The following PDE10A variants were observed in gnomAD, a reference collection of about 807,000 sequenced individuals.
PDE10A encodes cAMP and cAMP-inhibited cGMP 3',5'-cyclic phosphodiesterase 10A.
Under a neutral mutation model 97.7 loss-of-function variants are expected in PDE10A, and 39 were observed. The ratio of observed to expected loss-of-function variants is 0.40; its 90% CI spans 0.31 to 0.52. The LOEUF (loss-of-function observed/expected upper bound fraction) is 0.52. Ranked by LOEUF, PDE10A falls within the 20% of genes least tolerant of loss-of-function variation. PDE10A has a pLI of 0.56. For synonymous variants in PDE10A, 371 were observed against 376.8 expected, an observed-to-expected ratio of 0.98 and a Z score of 0.18; for missense variants, 731 against 1,047.8, an observed-to-expected ratio of 0.70 and a Z score of 4.17.
chr6:165,583,477 A>G (rs1785729650), intron 1 of PDE10A, among the ~76,000 whole-genome samples: 3 of 152,210 alleles, frequency 2.0e-5, no homozygotes, highest in Admixed American at 2.0e-4. Flanking sequence ...TCTTGAGAGG[A>G]GGAGTTTACC....
intron 1 of PDE10A, among the ~76,000 whole-genome samples, chr6:165,726,752 A>G (rs1792307167): frequency 6.6e-6 from 1 of 152,234 alleles, no homozygotes; most frequent in Admixed American, 6.5e-5. Flanking sequence ...GGCACCGGGA[A>G]GACAGGCCAT....
At chr6:165,575,263 C>T (rs1380933622) in intron 1 of PDE10A, among the ~76,000 whole-genome samples, 2 of 152,192 alleles carry the variant, frequency 1.3e-5, no homozygotes, top group African/African-American at 4.8e-5. Flanking sequence ...AAAATGCAGT[C>T]ATGTCAATTC....
At chr6:165,626,858 G>A (rs371960462) in intron 1 of PDE10A, among the ~76,000 whole-genome samples, 11 of 152,148 alleles carry the variant, frequency 7.2e-5, no homozygotes, top group African/African-American at 1.4e-4. Context: ...CATCAGGGAC[G>A]GGCTCAGTAG....
chr6:165,457,241 T>A (rs1778006008), intron 3 of PDE10A, among the ~76,000 whole-genome samples: 1 of 152,228 alleles, frequency 6.6e-6, no homozygotes. Flanking sequence ...ATTTTTAACT[T>A]CATAAAGTCC....
intron 1 of PDE10A, among the ~76,000 whole-genome samples, chr6:165,650,681 T>C (rs1470710793): frequency 1.3e-5 from 2 of 152,182 alleles, no homozygotes; most frequent in Non-Finnish European, 2.9e-5. Flanking sequence ...TCATATCTTG[T>C]TAAGTCACTT....
At chr6:165,541,582 C>T (rs1511744) in intron 2 of PDE10A, among the ~76,000 whole-genome samples, 31,961 of 152,096 alleles carry the variant, frequency 0.21, 5,144 homozygotes, top group African/African-American at 0.44. Flanking sequence ...TCTTACACTA[C>T]ACTATTATCC....
At chr6:165,337,821 G>GTTA (rs1781739033) in intron 20 of PDE10A, among the ~76,000 whole-genome samples, 1 of 152,294 alleles carries the variant, frequency 6.6e-6, no homozygotes, top group East Asian at 1.9e-4. Context: ...TGGGATGACT[G>GTTA]TTAACTACTG....
At chr6:165,501,909 C>A (rs1241240187) in intron 2 of PDE10A, among the ~76,000 whole-genome samples, 1 of 152,204 alleles carries the variant, frequency 6.6e-6, no homozygotes, top group African/African-American at 2.4e-5. Flanking sequence ...TACACAGCTA[C>A]ATTCATCAAA....
chr6:165,557,647 C>A (rs893293627), intron 1 of PDE10A, among the ~76,000 whole-genome samples: 3 of 152,048 alleles, frequency 2.0e-5, no homozygotes, highest in Non-Finnish European at 4.4e-5. Flanking sequence ...TCTTTGCTAG[C>A]AAATATACCT....
At chr6:165,934,448 C>T (rs962487738) in intron 1 of PDE10A, among the ~76,000 whole-genome samples, 2 of 151,990 alleles carry the variant, frequency 1.3e-5, no homozygotes, top group South Asian at 2.1e-4. Flanking sequence ...CTTGTCTACA[C>T]CACCACCACC....
In PDE10A at chr6:165,392,885, G is replaced by A. The variant is rs144148689; in HGVS notation, c.2304-89C>T. On this transcript the variant is annotated intron_variant, in intron 15 of 21. Coordinates refer to ENST00000539869, the MANE Select transcript of PDE10A (RefSeq NM_001385079.1). Reference sequence around the variant, plus strand: ...CCCTAGTTTAGGTACATATATGTCTGTACCCTTATACATTTGCAACTCTAA... The same window carrying A: ...CCCTAGTTTAGGTACATATATGTCTATACCCTTATACATTTGCAACTCTAA... The A allele has an allele frequency of 8.7e-6, 10 of 1,154,168 alleles. No individual in the cohort carries two copies. The East Asian group carries it at 1.7e-4, about 19-fold the overall frequency. The allele number at this position is 1,154,168 out of a possible 1,614,324, so 71.5% of individuals were successfully genotyped here. A position where few individuals can be genotyped will look rare whatever the true frequency, so the allele number is the denominator to read the frequency against.
chr6:165,734,419 G>A (rs920243054), intron 1 of PDE10A, among the ~76,000 whole-genome samples: 3 of 152,146 alleles, frequency 2.0e-5, no homozygotes, highest in African/African-American at 4.8e-5. Context: ...ATGAAGGTTA[G>A]CACTCCCAGA....
At chr6:165,518,114 T>G (rs1781921343) in intron 2 of PDE10A, among the ~76,000 whole-genome samples, 1 of 152,234 alleles carries the variant, frequency 6.6e-6, no homozygotes, top group African/African-American at 2.4e-5. Context: ...CTAAACACTC[T>G]GATGTTGCTA....
intron 2 of PDE10A, among the ~76,000 whole-genome samples, chr6:165,511,962 G>T (rs1226469450): frequency 6.6e-6 from 1 of 151,804 alleles, no homozygotes; most frequent in African/African-American, 2.4e-5. Flanking sequence ...ATTTTGTTTT[G>T]TTTTGTTTTC....
intron 1 of PDE10A, among the ~76,000 whole-genome samples, chr6:165,838,503 C>T (rs1780128292): frequency 6.6e-6 from 1 of 152,220 alleles, no homozygotes; most frequent in Non-Finnish European, 1.5e-5. Flanking sequence ...TAACCACTAT[C>T]TACTTCCAAA....
intron 1 of PDE10A, among the ~76,000 whole-genome samples, chr6:165,727,835 G>A (rs577302316): frequency 1.3e-5 from 2 of 152,288 alleles, no homozygotes; most frequent in Admixed American, 1.3e-4. Flanking sequence ...TTGTCTCGCT[G>A]CTTTTCATCT....
intron 2 of PDE10A, among the ~76,000 whole-genome samples, chr6:165,491,832 C>T (rs1780244492): frequency 6.6e-6 from 1 of 151,788 alleles, no homozygotes; most frequent in African/African-American, 2.4e-5. Context: ...AAACCCAAAC[C>T]CAGCAGAAGA....
chr6:165,450,208 A>AG (rs397732933), intron 4 of PDE10A, 34 bp downstream of exon 4: 9 of 1,346,632 alleles, frequency 6.7e-6, no homozygotes, highest in Non-Finnish European at 8.6e-6. Flanking sequence ...ATCTTTGCCC[A>AG]TTTTTTCTAA....
At chr6:165,618,160 T>C (rs1202283041) in intron 1 of PDE10A, among the ~76,000 whole-genome samples, 4 of 152,246 alleles carry the variant, frequency 2.6e-5, no homozygotes, top group Admixed American at 2.6e-4. Context: ...TTATGTGTGT[T>C]GTTTAAATGT....
Sources: gnomAD v4.1 joint callset for allele counts (sites outside exome capture counted in the v4.1 genomes callset) on GRCh38, gnomAD v4.1.1 for gene constraint, MANE v1.5 for transcripts, NCBI Gene and HGNC (gene_info 2026-07-23, HGNC 2026-07-21) for gene names.